ERC1: variants seen among roughly 807,000 people sequenced by gnomAD.
The protein encoded by ERC1 is ELKS/RAB6-interacting/CAST family member 1.
Under a neutral mutation model 132.0 loss-of-function variants are expected in ERC1, and 56 were observed. That is an observed-to-expected ratio of 0.42 (90% CI 0.34 to 0.53). The LOEUF (loss-of-function observed/expected upper bound fraction) is 0.53. Among genes scored for constraint, ERC1 ranks in the 20% least tolerant of loss-of-function variants. The probability of loss-of-function intolerance (pLI) is 0.03; values close to 1 mark genes in which losing one functional copy is unlikely to be tolerated. For missense variants in ERC1, 1,202 were observed against 1,349.9 expected (o/e 0.89, Z 1.72); for synonymous variants, 478 against 476.1 (o/e 1.00, Z -0.05).
intron 15 of ERC1, among the ~76,000 whole-genome samples, chr12:1,370,856 T>G (rs1421421692): frequency 6.6e-6 from 1 of 152,046 alleles, no homozygotes; most frequent in Admixed American, 6.6e-5. Flanking sequence ...GAGTAGTGAG[T>G]AGCTGGGACC....
chr12:1,478,347 C>T (rs1229041393), intron 18 of ERC1, among the ~76,000 whole-genome samples: 1 of 152,172 alleles, frequency 6.6e-6, no homozygotes, highest in African/African-American at 2.4e-5. Context: ...TTTCAGTATA[C>T]TCTTGTGGTC....
At chr12:1,437,521 G>A (rs995924273) in intron 17 of ERC1, among the ~76,000 whole-genome samples, 3 of 152,214 alleles carry the variant, frequency 2.0e-5, no homozygotes, top group Non-Finnish European at 4.4e-5. Context: ...TAGTAGGCAA[G>A]CCCCTAACAG....
chr12:1,115,720 A>G, intron 6 of ERC1, 146 bp from the exon 7 acceptor site: 2 of 646,340 alleles, frequency 3.1e-6, no homozygotes, highest in Non-Finnish European at 5.0e-6. Flanking sequence ...ATCCAAGGTT[A>G]TGTCATGCAA....
chr12:1,489,815 G>A (rs1236183990), intron 18 of ERC1, among the ~76,000 whole-genome samples: 1 of 152,146 alleles, frequency 6.6e-6, no homozygotes, highest in African/African-American at 2.4e-5. Context: ...CCTGTGACTT[G>A]GTGGAGAGAA....
chr12:1,095,158 G>T (rs1044043259), intron 3 of ERC1, among the ~76,000 whole-genome samples: 1 of 152,100 alleles, frequency 6.6e-6, no homozygotes, highest in African/African-American at 2.4e-5. Context: ...TCTCAGGCGT[G>T]GTGGCTCATA....
intron 2 of ERC1, among the ~76,000 whole-genome samples, chr12:1,080,468 T>G (rs1475965463): frequency 6.6e-6 from 1 of 152,228 alleles, no homozygotes; most frequent in Non-Finnish European, 1.5e-5. Flanking sequence ...CTTTCCTTTT[T>G]AAGGCTGAAA....
At chr12:1,353,231 C>G (rs528426839) in intron 15 of ERC1, among the ~76,000 whole-genome samples, 1 of 151,904 alleles carries the variant, frequency 6.6e-6, no homozygotes, top group Non-Finnish European at 1.5e-5. Context: ...GGGGTTTCAC[C>G]GTGTTAGCCA....
intron 16 of ERC1, among the ~76,000 whole-genome samples, chr12:1,384,383 T>A (rs2089074607): frequency 6.6e-6 from 1 of 152,200 alleles, no homozygotes; most frequent in South Asian, 2.1e-4. Context: ...AGCAGCTAAG[T>A]TCGAAAATCT....
intron 8 of ERC1, among the ~76,000 whole-genome samples, chr12:1,169,259 C>G (rs888721814): frequency 7.9e-5 from 12 of 152,270 alleles, no homozygotes; most frequent in African/African-American, 2.6e-4. Flanking sequence ...CCCCAGATCG[C>G]TGGAAGTGTT....
chr12:1,245,619 CT>C (rs1159603288), intron 13 of ERC1, among the ~76,000 whole-genome samples: 1 of 152,094 alleles, frequency 6.6e-6, no homozygotes, highest in Non-Finnish European at 1.5e-5. Context: ...GGTTACTTTG[CT>C]TTTTGTTTTT....
chr12:1,374,824 A>ATTTTTTTTTTTTTTTTTTTT (rs5795968), intron 16 of ERC1, among the ~76,000 whole-genome samples: 4 of 124,580 alleles, frequency 3.2e-5, no homozygotes, highest in Non-Finnish European at 3.3e-5. Context: ...ACAGGCTGGG[A>ATTTTTTTTTTTTTTTTTTTT]TTTTTTTTTT....
intron 15 of ERC1, among the ~76,000 whole-genome samples, chr12:1,291,143 T>C (rs918104478): frequency 1.3e-5 from 2 of 152,214 alleles, no homozygotes; most frequent in Non-Finnish European, 2.9e-5. Flanking sequence ...GATTGTGATA[T>C]TGTGACTGCA....
rs1272849336 is a variant in ERC1 at position 1,493,475 on chromosome 12, T to C, written c.*3245T>C. On this transcript the variant is annotated 3_prime_UTR_variant, in exon 19 of 19. Transcript: ENST00000360905. ...TCGCTTGAGCCTGGGAGGCAGAGGCTGCGGTGAGCCGAGATCGTGTCACTG... is the reference window on the plus strand; with the variant it reads ...TCGCTTGAGCCTGGGAGGCAGAGGCCGCGGTGAGCCGAGATCGTGTCACTG... 2 of 148,218 alleles carry C rather than the reference T, an allele frequency of 1.3e-5. No individual in the cohort carries two copies. The highest frequency in any genetic ancestry group is 2.9e-5 in the Non-Finnish European group (2 of 68,904). The allele number at this position is 148,218 out of a possible 1,614,324, so 9.2% of individuals were successfully genotyped here.
At chr12:1,321,999 G>A (rs1214952266) in intron 15 of ERC1, among the ~76,000 whole-genome samples, 2 of 150,654 alleles carry the variant, frequency 1.3e-5, no homozygotes, top group African/African-American at 2.5e-5. Context: ...TCCATACCAC[G>A]TTCGGCAGTG....
At chr12:1,437,341 T>C (rs2092976866) in intron 17 of ERC1, among the ~76,000 whole-genome samples, 1 of 152,234 alleles carries the variant, frequency 6.6e-6, no homozygotes, top group Non-Finnish European at 1.5e-5. Flanking sequence ...TGTGCTGTCC[T>C]CATCTGTATA....
intron 15 of ERC1, among the ~76,000 whole-genome samples, chr12:1,328,604 C>T (rs889516854): frequency 1.3e-5 from 2 of 151,962 alleles, no homozygotes; most frequent in African/African-American, 4.8e-5. Flanking sequence ...TGTGACCTCA[C>T]GTTTCTCCTT....
chr12:1,363,861 T>C (rs1388677163), intron 15 of ERC1, among the ~76,000 whole-genome samples: 2 of 152,158 alleles, frequency 1.3e-5, no homozygotes, highest in Non-Finnish European at 2.9e-5. Flanking sequence ...CAACCATGAG[T>C]GTATTTCTCA....
At chr12:1,013,756 C>A (rs967848369) in intron 1 of ERC1, among the ~76,000 whole-genome samples, 2 of 152,144 alleles carry the variant, frequency 1.3e-5, no homozygotes, top group Non-Finnish European at 2.9e-5. Flanking sequence ...TTGGGTCTGT[C>A]TGTCTTCCTT....
chr12:1,490,332 A>G lies in ERC1; in HGVS notation c.*102A>G. The G allele has an allele frequency of 8.8e-7, 1 of 1,133,092 alleles. No individual in the cohort carries two copies. Among genetic ancestry groups the G allele is most frequent in the Admixed American group, 2.5e-5 (1 of 39,266 alleles). 70.2% of individuals were successfully genotyped at this position (1,133,092 alleles called of 1,614,324 possible). On this transcript the variant is annotated 3_prime_UTR_variant, in exon 19 of 19. Coordinates refer to ENST00000360905, the MANE Select transcript of ERC1 (RefSeq NM_178040.4). ...ACCTTCTTGGCACCAAACACTACAA[A>G]CTTCATCCCAACTTGCTCACTTGAA...
Sources: gnomAD v4.1 joint callset for allele counts (sites outside exome capture counted in the v4.1 genomes callset) on GRCh38, gnomAD v4.1.1 for gene constraint, MANE v1.5 for transcripts, NCBI Gene and HGNC (gene_info 2026-07-23, HGNC 2026-07-21) for gene names.